EVL: variants seen among roughly 807,000 people sequenced by gnomAD.
The protein encoded by EVL is ena/VASP-like protein.
Under a neutral mutation model 59.6 loss-of-function variants are expected in EVL, and 21 were observed. That is an observed-to-expected ratio of 0.35 (90% confidence interval 0.25 to 0.51). EVL has a LOEUF of 0.51. Ranked by LOEUF, EVL falls within the 20% of genes least tolerant of loss-of-function variation. EVL has a pLI of 0.97. For missense variants in EVL, 462 were observed against 546.6 expected (o/e 0.85, Z 1.54); for synonymous variants, 198 against 203.5 (o/e 0.97, Z 0.23).
At chr14:100,076,412 C>T (rs1024605667) in intron 1 of EVL, among the ~76,000 whole-genome samples, 2 of 152,222 alleles carry the variant, frequency 1.3e-5, no homozygotes, top group Non-Finnish European at 2.9e-5. Flanking sequence ...CCTCACTCTA[C>T]ATAGGGAGAA....
At chr14:100,002,665 T>C (rs1299192458) in intron 1 of EVL, among the ~76,000 whole-genome samples, 1 of 152,208 alleles carries the variant, frequency 6.6e-6, no homozygotes, top group Non-Finnish European at 1.5e-5. Flanking sequence ...ATTAATTAGG[T>C]CAGAAAAAGA....
At chr14:99,993,057 CTTTTTTTTTTT>C (rs544024215) in intron 1 of EVL, among the ~76,000 whole-genome samples, 1 of 129,684 alleles carries the variant, frequency 7.7e-6, no homozygotes, top group African/African-American at 3.1e-5. Flanking sequence ...GCGTATAATC[CTTTTTTTTTTT>C]TTTTTTTGAG....
At chr14:100,074,448 G>C (rs2062118271) in intron 1 of EVL, 2 of 152,104 alleles carry the variant, frequency 1.3e-5, no homozygotes, top group Non-Finnish European at 1.5e-5. Flanking sequence ...AGCCTTATTT[G>C]ATCTCCAGCA....
chr14:100,125,122 C>CCACACA (rs57005382), intron 4 of EVL, among the ~76,000 whole-genome samples: 2,608 of 103,064 alleles, frequency 0.025, 223 homozygotes, highest in East Asian at 0.18. Flanking sequence ...CAAGGCGGGA[C>CCACACA]CACACACACA....
intron 4 of EVL, among the ~76,000 whole-genome samples, chr14:100,125,861 A>G (rs1370398514): frequency 6.6e-6 from 1 of 152,054 alleles, no homozygotes; most frequent in East Asian, 1.9e-4. Flanking sequence ...GCCATTCCAT[A>G]ATGTTTTAGT....
At position 100,130,233 on chromosome 14, in the gene EVL, T is replaced by A. The variant is rs1432315346; in HGVS notation, c.839+549T>A. 6.6e-6 allele frequency among the ~76,000 whole-genome samples: 1 copy of A among 152,152 alleles called. No individual in the cohort carries two copies. Among genetic ancestry groups the A allele is most frequent in the Non-Finnish European group, 1.5e-5 (1 of 68,020 alleles). On this transcript the variant is annotated intron_variant, in intron 7 of 13. Coordinates refer to ENST00000392920, the MANE Select transcript of EVL (RefSeq NM_016337.3). This position sits in a 1 kb window ranked among gnomAD's most constrained non-coding sequence, Gnocchi z 4.8. ...GGCTCTTGGGCCTGAGACCTGGCCA[T>A]GTGTGTCTGCTCGCTGCAGCGGGTG...
chr14:100,065,060 A>G, upstream of EVL, among the ~76,000 whole-genome samples: 1 of 152,120 alleles, frequency 6.6e-6, no homozygotes, highest in Non-Finnish European at 1.5e-5. Context: ...ACTTTCTATA[A>G]CAGATGGAAA....
At chr14:99,992,551 G>A (rs2060882352) in intron 1 of EVL, among the ~76,000 whole-genome samples, 1 of 152,156 alleles carries the variant, frequency 6.6e-6, no homozygotes, top group Non-Finnish European at 1.5e-5. Context: ...TCTTTTAGGA[G>A]TGTTATAGGT....
At chr14:99,983,676 T>G (rs1425963708) in intron 1 of EVL, among the ~76,000 whole-genome samples, 2 of 152,170 alleles carry the variant, frequency 1.3e-5, no homozygotes, top group African/African-American at 4.8e-5. Flanking sequence ...CTCCCTTCTC[T>G]CTCAAAGAAT....
chr14:100,006,713 C>T (rs1252731836), intron 1 of EVL, among the ~76,000 whole-genome samples: 1 of 151,696 alleles, frequency 6.6e-6, no homozygotes, highest in Non-Finnish European at 1.5e-5. Context: ...TTCGTCTTCC[C>T]TGTTGGAAGC....
chr14:100,134,662 A>C (rs994186616), intron 8 of EVL: 37 of 152,354 alleles, frequency 2.4e-4, no homozygotes, highest in African/African-American at 7.2e-4. Context: ...GTGAACATGC[A>C]CTAAGTTTAT....
intron 2 of EVL, among the ~76,000 whole-genome samples, chr14:100,085,502 G>A (rs188016597): frequency 2.6e-5 from 4 of 152,226 alleles, no homozygotes; most frequent in African/African-American, 7.2e-5. Flanking sequence ...TGGTTAGTTC[G>A]GTGCTCTCCC....
chr14:100,113,425 G>A lies in EVL; in HGVS notation c.359-10114G>A, dbSNP rs182728574. On this transcript the variant is annotated intron_variant, in intron 3 of 13. Coordinates refer to ENST00000392920, the MANE Select transcript of EVL (RefSeq NM_016337.3). ...GCCCGGCAGGTAGTGAGCACTCAGC[G>A]GTGGGTGTTGCTCTCATCATCTTCC... Among the ~76,000 whole-genome samples the A allele has an allele frequency of 2.3e-4, 35 of 152,270 alleles. 1 individual carries two copies. The South Asian group carries it at 2.9e-3, about 13-fold the overall frequency.
chr14:99,999,756 A>G (rs561891953), intron 1 of EVL, among the ~76,000 whole-genome samples: 1 of 152,298 alleles, frequency 6.6e-6, no homozygotes, highest in Admixed American at 6.5e-5. Context: ...GGAGCTTACT[A>G]TGAAGAGGGC....
intron 1 of EVL, among the ~76,000 whole-genome samples, chr14:99,986,413 G>GA (rs943245382): frequency 2.6e-5 from 4 of 152,090 alleles, no homozygotes; most frequent in African/African-American, 9.7e-5. Flanking sequence ...TGGGAAGAAG[G>GA]AAAATGCTCT....
At chr14:100,013,580 G>A (rs373122653) in intron 1 of EVL, among the ~76,000 whole-genome samples, 4 of 152,168 alleles carry the variant, frequency 2.6e-5, no homozygotes, top group African/African-American at 7.2e-5. Context: ...CTATGGATCC[G>A]GGACCGAGGG....
chr14:100,064,994 C>A (rs551857634), upstream of EVL, among the ~76,000 whole-genome samples: 8 of 152,178 alleles, frequency 5.3e-5, no homozygotes, highest in Admixed American at 5.2e-4. Flanking sequence ...GGGACTCTTC[C>A]GAGTTCTTGT....
At position 99,988,214 on chromosome 14, in the gene EVL, C is replaced by G. The variant is rs537044946; in HGVS notation, c.5+16157C>G. ...TACAGGTGTGAGCCGCCGTGCCTGGCCAAGACAACCTGATTTTAAAATGGG... is the reference window on the plus strand; with the variant it reads ...TACAGGTGTGAGCCGCCGTGCCTGGGCAAGACAACCTGATTTTAAAATGGG... On this transcript the variant is annotated intron_variant, in intron 1 of 13. Coordinates refer to the EVL transcript ENST00000402714. Among the ~76,000 whole-genome samples the G allele has an allele frequency of 3.9e-5, 6 of 152,050 alleles. No homozygotes were observed. In the East Asian group the frequency reaches 1.2e-3, roughly 29 times the overall value.
chr14:100,138,044 A>G (rs984917168), intron 11 of EVL: 78 of 581,168 alleles, frequency 1.3e-4, no homozygotes, highest in Non-Finnish European at 1.9e-4. Flanking sequence ...GAGGTAGTGC[A>G]GGGGGGGGCC....
Sources: gnomAD v4.1 joint callset for allele counts (sites outside exome capture counted in the v4.1 genomes callset) on GRCh38, gnomAD v4.1.1 for gene constraint, Gnocchi (gnomAD v3.1) non-coding constraint, MANE v1.5 for transcripts, NCBI Gene and HGNC (gene_info 2026-07-23, HGNC 2026-07-21) for gene names.